EFNA4: variants seen among roughly 807,000 people sequenced by gnomAD.
EFNA4 encodes the protein ephrin A4.
In EFNA4, 22 loss-of-function variants were observed where a neutral mutation model predicts 23.7. The observed-to-expected ratio is 0.93, with a 90% CI of 0.66 to 1.32. EFNA4 has a LOEUF of 1.32. Ranked by LOEUF, EFNA4 falls within the 40% of genes most tolerant of loss-of-function variation. The pLI is 0.00. For missense variants in EFNA4, 252 were observed against 252.3 expected (o/e 1.00, Z 0.01); for synonymous variants, 113 against 108.3 (o/e 1.04, Z -0.27).
Position 155,068,997 on chromosome 1 carries a change from A to C in EFNA4, c.*8A>C, listed in dbSNP as rs1320275678. On this transcript the variant is annotated 3_prime_UTR_variant, in exon 4 of 4. Coordinates refer to ENST00000368409, the MANE Select transcript of EFNA4 (RefSeq NM_005227.3). ...CTTCTGCGAATTCTGTGAGCCAAGC[A>C]GACCTTCCCTCTCATCCCAAGGAGC... The C allele has an allele frequency of 1.2e-6, 2 of 1,613,836 alleles. No homozygotes were observed. The highest frequency in any genetic ancestry group is 3.3e-5 in the Admixed American group (2 of 59,974).
chr1:155,066,317 G>A (rs1296939417), intron 1 of EFNA4, among the ~76,000 whole-genome samples: 1 of 152,192 alleles, frequency 6.6e-6, no homozygotes, highest in African/African-American at 2.4e-5. Flanking sequence ...GTGTGCAACT[G>A]TACCTCCTGC....
intron 1 of EFNA4, among the ~76,000 whole-genome samples, chr1:155,066,165 GC>G (rs1663039757): frequency 6.6e-6 from 1 of 152,110 alleles, no homozygotes; most frequent in African/African-American, 2.4e-5. Context: ...ACCACACCTG[GC>G]CTCCCTCATT....
Position 155,068,977 on chromosome 1 carries a change from G to A in EFNA4, c.594G>A (p.Leu198=). 1 of 1,613,992 alleles carries A rather than the reference G, an allele frequency of 6.2e-7. No individual in the cohort carries two copies. The highest frequency in any genetic ancestry group is 8.5e-7 in the Non-Finnish European group (1 of 1,179,966). Residue 198 remains leucine, a synonymous_variant, in exon 4 of 4, where the codon CTG becomes CTA. Transcript: ENST00000368409. The part of the protein sequence containing the change: ...LLLLLLILRL[L]RIL ...TGCTGCTTCTGATTCTTCGTCTTCT[G>A]CGAATTCTGTGAGCCAAGCAGACCT...
chr1:155,066,982 T>C lies in EFNA4; in HGVS notation c.366T>C (p.Phe122=), dbSNP rs1372491408. Residue 122 remains phenylalanine (F), a synonymous_variant, in exon 2 of 4, where the codon TTT becomes TTC. Coordinates refer to ENST00000368409, the MANE Select transcript of EFNA4 (RefSeq NM_005227.3). ...GCTTCACACCCTTCTCCCTCGGCTTTGAGTTCTTACCTGGAGAGACTTACT... is the reference window on the plus strand; with the variant it reads ...GCTTCACACCCTTCTCCCTCGGCTTCGAGTTCTTACCTGGAGAGACTTACT... ...IQRFTPFSLG[F]EFLPGETYYY... is the part of the protein sequence containing the mutation. 1 of 1,613,338 alleles carries C rather than the reference T, an allele frequency of 6.2e-7. No individual in the cohort carries two copies. Among genetic ancestry groups the C allele is most frequent in the East Asian group, 2.2e-5 (1 of 44,874 alleles).
chr1:155,064,000 C>T lies in EFNA4; in HGVS notation c.113+64C>T. 2.2e-6 allele frequency: 3 copies of T among 1,372,360 alleles called. No individual in the cohort carries two copies. The highest frequency in any genetic ancestry group is 2.9e-6 in the Non-Finnish European group (3 of 1,031,152). 85.0% of individuals were successfully genotyped at this position (1,372,360 alleles called of 1,614,324 possible). ...GCGCGCTCCCGGGCTTTGCGCGCGC[C>T]CGCCACCCGCTCTTTGCGCGGCGCC... is the stretch of plus-strand genomic sequence containing the variant. On this transcript the variant is annotated intron_variant, in intron 1 of 3. Coordinates refer to ENST00000368409, the MANE Select transcript of EFNA4 (RefSeq NM_005227.3). The surrounding 1 kb of genome is among the most constrained non-coding windows in gnomAD (Gnocchi z 4.1).
intron 1 of EFNA4, among the ~76,000 whole-genome samples, chr1:155,064,674 T>C (rs573942502): frequency 6.6e-6 from 1 of 152,242 alleles, no homozygotes; most frequent in South Asian, 2.1e-4. Flanking sequence ...ACTGTTTCCA[T>C]CCCCCTCCCC....
intron 1 of EFNA4, among the ~76,000 whole-genome samples, chr1:155,065,695 A>C: frequency 1.4e-5 from 2 of 138,250 alleles, no homozygotes; most frequent in African/African-American, 5.5e-5. Context: ...ACCACCACTC[A>C]TGGCCTTTAT....
chr1:155,066,847 G>C lies in EFNA4; in HGVS notation c.231G>C (p.Met77Ile), dbSNP rs760519955. Reference sequence around the variant, plus strand: ...GCCCCGAGACGTTTGCTTTGTACATGGTGGACTGGCCAGGCTATGAGTCCT... The same window carrying C: ...GCCCCGAGACGTTTGCTTTGTACATCGTGGACTGGCCAGGCTATGAGTCCT... ...PEGPETFALY[M>I]VDWPGYESCQ... The change falls in exon 2 of 4, where the codon ATG (methionine) becomes ATC (isoleucine). Residue 77 changes from methionine to isoleucine, a missense_variant. By Grantham distance (10) the Met-to-Ile change is conservative (BLOSUM62 1). Transcript: ENST00000368409. 13 of 1,613,924 alleles carry C rather than the reference G, an allele frequency of 8.1e-6. 1 individual carries two copies. In the African/African-American group the frequency reaches 1.7e-4, roughly 22 times the overall value.
chr1:155,064,419 T>C (rs1038801771), intron 1 of EFNA4, among the ~76,000 whole-genome samples: 1 of 152,244 alleles, frequency 6.6e-6, no homozygotes, highest in African/African-American at 2.4e-5. Context: ...TCTGTCTTTA[T>C]TGGTCCTTCT....
At chr1:155,067,051 G>A (rs775157829) in intron 2 of EFNA4, 35 bp downstream of exon 2, 2 of 1,566,690 alleles carry the variant, frequency 1.3e-6, no homozygotes, top group South Asian at 1.2e-5. Flanking sequence ...CACCTCTTGT[G>A]TACCAGAAGG....
rs775733013 is a variant in EFNA4, at chr1:155,069,083, CAA to C, written c.*95_*96del. ...TCCCTGCTGCCTGCACTGGGGGTGCCAATTCAGACCGACAAGATGGAGCATTG... is the reference window on the plus strand; with the variant it reads ...TCCCTGCTGCCTGCACTGGGGGTGCCTTCAGACCGACAAGATGGAGCATTG... On this transcript the variant is annotated 3_prime_UTR_variant, in exon 4 of 4. Transcript: ENST00000368409. 6.2e-7 allele frequency: 1 copy of C among 1,611,130 alleles called. No homozygotes were observed. Among genetic ancestry groups the C allele is most frequent in the South Asian group, 1.1e-5 (1 of 90,912 alleles).
chr1:155,066,665 C>G (rs976590154), intron 1 of EFNA4, 65 bp from the exon 2 acceptor site: 15 of 1,508,914 alleles, frequency 9.9e-6, no homozygotes, highest in African/African-American at 1.4e-5. Flanking sequence ...AGGGGTGTCT[C>G]TGGCATCCAT....
At chr1:155,066,688 G>A (rs1388081898) in intron 1 of EFNA4, 42 bp from the exon 2 acceptor site, 1 of 1,525,334 alleles carries the variant, frequency 6.6e-7, no homozygotes, top group African/African-American at 1.4e-5. Context: ...CCATGGCGTG[G>A]TGCCCTCCAC....
intron 3 of EFNA4, 50 bp from the exon 4 acceptor site, chr1:155,068,803 A>C: frequency 6.5e-7 from 1 of 1,538,808 alleles, no homozygotes; most frequent in Non-Finnish European, 8.8e-7. Context: ...GGGAGGAAGG[A>C]GGATGGTAAA....
At position 155,067,380 on chromosome 1, in the gene EFNA4, A is replaced by C. The variant is rs1464742957; in HGVS notation, c.409A>C (p.Thr137Pro). ...ACTTTCCCACTACCCAGCGGTGCCC[A>C]CTCCAGAGAGTTCTGGCCAGTGCTT... ...GETYYYISVP[T>P]PESSGQCLRL... Residue 137 changes from threonine (T) to proline (P), a missense_variant, in exon 3 of 4, where the codon ACT becomes CCT. Physicochemically the swap from Thr to Pro is conservative, Grantham distance 38. Coordinates refer to ENST00000368409, the MANE Select transcript of EFNA4 (RefSeq NM_005227.3). 6.2e-7 allele frequency: 1 copy of C among 1,614,034 alleles called. No homozygotes were observed. Among genetic ancestry groups the C allele is most frequent in the East Asian group, 2.2e-5 (1 of 44,878 alleles).
At chr1:155,067,179 T>G (rs1416935545) in intron 2 of EFNA4, among the ~76,000 whole-genome samples, 163 bp downstream of exon 2, 1 of 151,328 alleles carries the variant, frequency 6.6e-6, no homozygotes, top group Non-Finnish European at 1.5e-5. Context: ...AAGGAGAAAG[T>G]AGGAGGAGCT....
At position 155,069,260 on chromosome 1, in the gene EFNA4, C is replaced by T; in HGVS notation, c.*271C>T. 1 of 1,425,682 alleles carries T rather than the reference C, an allele frequency of 7.0e-7. No individual in the cohort carries two copies. Among genetic ancestry groups the T allele is most frequent in the East Asian group, 2.6e-5 (1 of 39,168 alleles). The allele number at this position is 1,425,682 out of a possible 1,614,324, so 88.3% of individuals were successfully genotyped here. ...GCAGGCTGCTCTGAGGGTCTCAGCC[C>T]ATCCCCCAGGAGGACTGGGATTTGG... On this transcript the variant is annotated 3_prime_UTR_variant, in exon 4 of 4. Coordinates refer to ENST00000368409, the MANE Select transcript of EFNA4 (RefSeq NM_005227.3).
At position 155,066,822 on chromosome 1, in the gene EFNA4, G is replaced by T. The variant is rs1240867561; in HGVS notation, c.206G>T (p.Gly69Val). 6.2e-7 allele frequency: 1 copy of T among 1,613,966 alleles called. No individual in the cohort carries two copies. The highest frequency in any genetic ancestry group is 1.1e-5 in the South Asian group (1 of 91,074). The change falls in exon 2 of 4, where the codon GGC (glycine) becomes GTC (valine). Residue 69 changes from glycine (G) to valine (V), a missense_variant. Transcript: ENST00000368409. ...TACGAAGGCCCAGGGCCCCCTGAGG[G>T]CCCCGAGACGTTTGCTTTGTACATG... ...PHYEGPGPPE[G>V]PETFALYMVD...
intron 1 of EFNA4, among the ~76,000 whole-genome samples, chr1:155,066,483 G>A (rs1338992391): frequency 1.3e-5 from 2 of 152,234 alleles, no homozygotes; most frequent in African/African-American, 2.4e-5. Flanking sequence ...CATCTAAGCT[G>A]TGTGGTTATG....
Sources: gnomAD v4.1 joint callset for allele counts (sites outside exome capture counted in the v4.1 genomes callset) on GRCh38, gnomAD v4.1.1 for gene constraint, Gnocchi (gnomAD v3.1) non-coding constraint, MANE v1.5 for transcripts, NCBI Gene and HGNC (gene_info 2026-07-23, HGNC 2026-07-21) for gene names.